Variants in ZNF609 observed in about 807,000 individuals in gnomAD.
ZNF609 encodes the protein zinc finger protein 609.
A neutral mutation model predicts 109.5 loss-of-function variants in ZNF609; 11 were observed. The ratio of observed to expected loss-of-function variants is 0.10; its 90% CI spans 0.06 to 0.17. The LOEUF (loss-of-function observed/expected upper bound fraction) is 0.17. Ranked by LOEUF, ZNF609 falls within the 10% of genes least tolerant of loss-of-function variation. The pLI is 1.00. For missense variants in ZNF609, 1,559 were observed against 1,772.4 expected (o/e 0.88, Z 2.16); for synonymous variants, 646 against 662.0 (o/e 0.98, Z 0.37).
At chr15:64,625,117 CTTTG>C (rs1053642604) in intron 3 of ZNF609, among the ~76,000 whole-genome samples, 2 of 152,106 alleles carry the variant, frequency 1.3e-5, no homozygotes, top group Non-Finnish European at 2.9e-5. Flanking sequence ...CAGTTTGCAA[CTTTG>C]TTTATCATTT....
chr15:64,656,262 C>T (rs921011460), intron 3 of ZNF609, among the ~76,000 whole-genome samples: 1 of 152,102 alleles, frequency 6.6e-6, no homozygotes, highest in Non-Finnish European at 1.5e-5. Context: ...TGGGGTTTTA[C>T]CATGTTGCCC....
At chr15:64,514,728 TC>T (rs2140360146) in intron 2 of ZNF609, among the ~76,000 whole-genome samples, 1 of 151,720 alleles carries the variant, frequency 6.6e-6, no homozygotes, top group South Asian at 2.1e-4. Flanking sequence ...AACCTCTGCC[TC>T]CCCGATTCAA....
At chr15:64,634,803 T>A (rs548957734) in intron 3 of ZNF609, among the ~76,000 whole-genome samples, 3 of 152,164 alleles carry the variant, frequency 2.0e-5, no homozygotes, top group South Asian at 2.1e-4. Flanking sequence ...ACCACAAATC[T>A]TCATAGCAAC....
At chr15:64,617,550 C>T (rs375329090) in intron 2 of ZNF609, among the ~76,000 whole-genome samples, 28 of 151,856 alleles carry the variant, frequency 1.8e-4, no homozygotes, top group African/African-American at 5.6e-4. Context: ...GATGCTGTGG[C>T]GGTTGGATCA....
chr15:64,549,612 G>A (rs1046941255), intron 2 of ZNF609, among the ~76,000 whole-genome samples: 1 of 152,140 alleles, frequency 6.6e-6, no homozygotes, highest in African/African-American at 2.4e-5. Context: ...GGTTACATTG[G>A]CAGAGCCAAA....
At chr15:64,552,456 C>T (rs1356953795) in intron 2 of ZNF609, among the ~76,000 whole-genome samples, 2 of 152,140 alleles carry the variant, frequency 1.3e-5, no homozygotes, top group African/African-American at 4.8e-5. Flanking sequence ...ACTGAAACCT[C>T]CGCTTCTCAG....
chr15:64,481,512 G>GT (rs1893254544), intron 1 of ZNF609, among the ~76,000 whole-genome samples: 1 of 151,830 alleles, frequency 6.6e-6, no homozygotes, highest in African/African-American at 2.4e-5. Context: ...TAGAGGCGGG[G>GT]TTTCTTCATG....
At chr15:64,487,923 C>T (rs1194040544) in intron 1 of ZNF609, among the ~76,000 whole-genome samples, 6 of 152,102 alleles carry the variant, frequency 3.9e-5, no homozygotes, top group African/African-American at 1.4e-4. Flanking sequence ...CGTGAACCAC[C>T]GCACCCAGCC....
At chr15:64,539,913 G>A (rs1182649361) in intron 2 of ZNF609, among the ~76,000 whole-genome samples, 1 of 150,574 alleles carries the variant, frequency 6.6e-6, no homozygotes, top group African/African-American at 2.4e-5. Flanking sequence ...CTGGGATTAC[G>A]GGCCTGAGCC....
At chr15:64,619,726 C>T (rs1895850368) in intron 2 of ZNF609, among the ~76,000 whole-genome samples, 1 of 152,178 alleles carries the variant, frequency 6.6e-6, no homozygotes, top group South Asian at 2.1e-4. Context: ...TAATGAGTTC[C>T]TCATGTGTAT....
At chr15:64,497,900 CAA>C (rs11358629) in intron 1 of ZNF609, among the ~76,000 whole-genome samples, 39 of 146,774 alleles carry the variant, frequency 2.7e-4, no homozygotes, top group East Asian at 2.6e-3. Context: ...GGCTCTGACT[CAA>C]AAAAAAAAAA....
At chr15:64,654,740 G>A (rs558788878) in intron 3 of ZNF609, among the ~76,000 whole-genome samples, 2 of 152,116 alleles carry the variant, frequency 1.3e-5, no homozygotes, top group Non-Finnish European at 2.9e-5. Flanking sequence ...TAAGTGATAG[G>A]TATAGGTATT....
intron 4 of ZNF609, among the ~76,000 whole-genome samples, chr15:64,672,231 C>T (rs980022791): frequency 1.3e-5 from 2 of 149,662 alleles, no homozygotes; most frequent in Admixed American, 1.3e-4. Context: ...CCAGGATGGT[C>T]TCGATCTCCT....
intron 2 of ZNF609, chr15:64,529,800 G>C: frequency 2.2e-6 from 1 of 457,092 alleles, no homozygotes; most frequent in Non-Finnish European, 4.1e-6. Context: ...GTGCAACCTC[G>C]GCTCACCACA....
intron 1 of ZNF609, among the ~76,000 whole-genome samples, chr15:64,493,925 A>G (rs1279264957): frequency 6.6e-6 from 1 of 152,196 alleles, no homozygotes; most frequent in Non-Finnish European, 1.5e-5. Context: ...TAGGGAGCAG[A>G]TGGGAAGTGG....
chr15:64,555,525 A>G (rs1372900894), intron 2 of ZNF609, among the ~76,000 whole-genome samples: 1 of 151,794 alleles, frequency 6.6e-6, no homozygotes, highest in East Asian at 1.9e-4. Context: ...TTAGCCGGGC[A>G]TGGTGTTGCA....
chr15:64,595,869 T>C (rs150673957), intron 2 of ZNF609, among the ~76,000 whole-genome samples: 53 of 152,324 alleles, frequency 3.5e-4, no homozygotes, highest in African/African-American at 1.3e-3. Context: ...GTAAGTGTCA[T>C]TTGGAATGAC....
chr15:64,628,514 G>A (rs548357975), intron 3 of ZNF609, among the ~76,000 whole-genome samples: 1 of 152,116 alleles, frequency 6.6e-6, no homozygotes, highest in Non-Finnish European at 1.5e-5. Flanking sequence ...AGCCAGGTGT[G>A]GTGATACATG....
At chr15:64,599,285 C>G (rs1895455841) in intron 2 of ZNF609, among the ~76,000 whole-genome samples, 1 of 141,294 alleles carries the variant, frequency 7.1e-6, no homozygotes, top group African/African-American at 2.6e-5. Flanking sequence ...CAAACCAAAA[C>G]CAAACCTGTT....
Sources: gnomAD v4.1 joint callset for allele counts (sites outside exome capture counted in the v4.1 genomes callset) on GRCh38, gnomAD v4.1.1 for gene constraint, MANE v1.5 for transcripts, NCBI Gene and HGNC (gene_info 2026-07-23, HGNC 2026-07-21) for gene names.